MYO18A: variants seen among roughly 807,000 people sequenced by gnomAD.
The protein encoded by MYO18A is myosin XVIIIA.
A neutral mutation model predicts 235.8 loss-of-function variants in MYO18A; 78 were observed. That is an observed-to-expected ratio of 0.33 (90% CI 0.28 to 0.40). MYO18A has a LOEUF of 0.40. Ranked by LOEUF, MYO18A falls within the 10% of genes least tolerant of loss-of-function variation. The pLI, the probability that MYO18A is intolerant of heterozygous loss-of-function variation, is 1.00. For synonymous variants in MYO18A, 977 were observed against 1,077.8 expected (o/e 0.91, Z 1.83); for missense variants, 2,215 against 2,699.3 (o/e 0.82, Z 3.98).
chr17:29,125,958 C>A lies in MYO18A; in HGVS notation c.1000-3705G>T. The A allele has an allele frequency of 2.0e-6, 2 of 985,696 alleles. No homozygotes were observed. The highest frequency in any genetic ancestry group is 2.4e-6 in the Non-Finnish European group (2 of 829,762). 61.1% of individuals were successfully genotyped at this position (985,696 alleles called of 1,614,324 possible). ...TCCACGGGGGTCAGCTGGACCTTGG[C>A]AGCTCCTGCCTAAAGGTTAAACCAC... is the stretch of plus-strand genomic sequence containing the variant. On this transcript the variant is annotated intron_variant, in intron 2 of 41. Transcript: ENST00000527372. This position sits in a 1 kb window ranked among gnomAD's most constrained non-coding sequence, Gnocchi z 5.1.
chr17:29,128,391 C>G, intron 2 of MYO18A: 1 of 1,288,888 alleles, frequency 7.8e-7, no homozygotes, highest in Non-Finnish European at 1.0e-6. Context: ...TGGGCCTCTT[C>G]GCTTAGGCCT....
intron 2 of MYO18A, among the ~76,000 whole-genome samples, chr17:29,141,708 T>G (rs985849816): frequency 7.2e-5 from 11 of 152,254 alleles, no homozygotes; most frequent in African/African-American, 2.7e-4. Context: ...GCTTGTGTCC[T>G]GCTCTCTAGG....
chr17:29,114,064 G>A lies in MYO18A; in HGVS notation c.2545C>T (p.Pro849Ser). 1 of 1,602,370 alleles carries A rather than the reference G, an allele frequency of 6.2e-7. No individual in the cohort carries two copies. Among genetic ancestry groups the A allele is most frequent in the African/African-American group, 1.3e-5 (1 of 74,736 alleles). The part of the protein sequence containing the change: ...NIELAFDDLE[P>S]PTDDSVAAVD... ...GCAGCCACAGAGTCATCCGTCGGGG[G>A]TTCCAAGTCGTCAAACGCCAGCTCG... The change falls in exon 15 of 42, where the codon CCC becomes TCC. Residue 849 changes from proline (P) to serine (S), a missense_variant. Physicochemically the swap from Pro to Ser is moderately conservative, Grantham distance 74. Coordinates refer to ENST00000527372, the MANE Select transcript of MYO18A (RefSeq NM_078471.4).
rs1277198403 is a variant in MYO18A at position 29,118,728 on chromosome 17, A to C, written c.1830-288T>G. ...CCTGCCCGAAGGGTGAGTCCCGCCA[A>C]GGCAGAGACGATGCCCTCAGTTACA... is the stretch of plus-strand genomic sequence containing the variant. On this transcript the variant is annotated intron_variant, in intron 8 of 41. Coordinates refer to ENST00000527372, the MANE Select transcript of MYO18A (RefSeq NM_078471.4). The surrounding 1 kb of genome is among the most constrained non-coding windows in gnomAD (Gnocchi z 4.2). Among the ~76,000 whole-genome samples, 1 of 152,282 alleles carries C rather than the reference A, an allele frequency of 6.6e-6. No homozygotes were observed. The highest frequency in any genetic ancestry group is 2.4e-5 in the African/African-American group (1 of 41,478).
rs917750088 is a variant in MYO18A at position 29,110,087 on chromosome 17, G to A, written c.3102C>T (p.Asp1034=). The change falls in exon 19 of 42, where the codon GAC becomes GAT. Residue 1034 remains aspartate, a synonymous_variant. Transcript: ENST00000527372. The stretch of plus-strand genomic sequence containing the variant: ...AATGCAGCTTTGACTTCTTGATGGT[G>A]TCGATGAGGGCGTCCTGCCGAGGGG... ...QMKLQVDALI[D]TIKKSKLHFV... is the part of the protein sequence containing the mutation. 3 of 1,610,880 alleles carry A rather than the reference G, an allele frequency of 1.9e-6. No homozygotes were observed. The African/African-American group carries it at 4.0e-5, about 21-fold the overall frequency.
chr17:29,110,149 T>G lies in MYO18A; in HGVS notation c.3088-48A>C, dbSNP rs1224401516. The stretch of plus-strand genomic sequence containing the variant: ...CTCAGTGGGCTCTGATGGCCTGTGC[T>G]CAGAAGAGCAGGGACTGGTGCCAGC... On this transcript the variant is annotated intron_variant, in intron 18 of 41. Coordinates refer to ENST00000527372, the MANE Select transcript of MYO18A (RefSeq NM_078471.4). 1.9e-6 allele frequency: 3 copies of G among 1,588,068 alleles called. No individual in the cohort carries two copies. In the Admixed American group the frequency reaches 5.0e-5, roughly 27 times the overall value.
At chr17:29,104,530 A>AG (rs2066734184) in intron 20 of MYO18A, among the ~76,000 whole-genome samples, 1 of 152,154 alleles carries the variant, frequency 6.6e-6, no homozygotes, top group Non-Finnish European at 1.5e-5. Context: ...CATAAGGGGT[A>AG]GGGTAGAGAA....
Position 29,097,273 on chromosome 17 carries a change from C to G in MYO18A, c.4180G>C (p.Glu1394Gln). The change falls in exon 27 of 42, where the codon GAG becomes CAG. Residue 1394 changes from glutamate (E) to glutamine (Q), a missense_variant. Physicochemically the swap from Glu to Gln is conservative, Grantham distance 29 (BLOSUM62 2). Coordinates refer to ENST00000527372, the MANE Select transcript of MYO18A (RefSeq NM_078471.4). The stretch of plus-strand genomic sequence containing the variant: ...TGCTGCTCCACCTCCAGCTTGTCCT[C>G]AAACTCCTGCTGGAGCCGTTTCTTG... The part of the protein sequence containing the change: ...FTKKRLQQEF[E>Q]DKLEVEQQNK... 1 of 1,611,430 alleles carries G rather than the reference C, an allele frequency of 6.2e-7. No individual in the cohort carries two copies. Among genetic ancestry groups the G allele is most frequent in the Non-Finnish European group, 8.5e-7 (1 of 1,179,878 alleles).
Position 29,074,301 on chromosome 17 carries a change from A to G in MYO18A, c.*469T>C. ...GTTGGGTATTTAAATTAAAAAGTAGAAAGACAGCAGGCACCAAGAAGAGAG... is the reference window on the plus strand; with the variant it reads ...GTTGGGTATTTAAATTAAAAAGTAGGAAGACAGCAGGCACCAAGAAGAGAG... On this transcript the variant is annotated 3_prime_UTR_variant, in exon 42 of 42. Transcript: ENST00000527372. The surrounding 1 kb of genome is among the most constrained non-coding windows in gnomAD (Gnocchi z 4.4). The G allele has an allele frequency of 1.8e-6, 2 of 1,108,940 alleles. No homozygotes were observed. The highest frequency in any genetic ancestry group is 2.5e-6 in the Non-Finnish European group (2 of 786,228). 68.7% of individuals were successfully genotyped at this position (1,108,940 alleles called of 1,614,324 possible).
chr17:29,124,004 C>T (rs1479022384), intron 2 of MYO18A, among the ~76,000 whole-genome samples: 6 of 151,252 alleles, frequency 4.0e-5, no homozygotes, highest in Non-Finnish European at 5.9e-5. Flanking sequence ...GCCGAGATTG[C>T]GCCACTGCAG....
At chr17:29,133,819 C>A (rs558736920) in intron 2 of MYO18A, 4 of 1,289,306 alleles carry the variant, frequency 3.1e-6, no homozygotes, top group East Asian at 5.6e-5. Flanking sequence ...AGAAGGCGAA[C>A]CTTGATGAAA....
intron 14 of MYO18A, among the ~76,000 whole-genome samples, chr17:29,114,515 G>A (rs1427127605): frequency 6.6e-6 from 1 of 152,116 alleles, no homozygotes; most frequent in African/African-American, 2.4e-5. Flanking sequence ...GTCCCATCCG[G>A]GACACCCTTT....
intron 41 of MYO18A, chr17:29,081,121 G>T: frequency 1.8e-5 from 10 of 555,442 alleles, no homozygotes; most frequent in Non-Finnish European, 2.3e-5. Context: ...AAGACACAGG[G>T]GGAGGGAGGC....
At chr17:29,092,169 T>C (rs924314140) in intron 34 of MYO18A, among the ~76,000 whole-genome samples, 174 bp downstream of exon 34, 1 of 152,074 alleles carries the variant, frequency 6.6e-6, no homozygotes, top group Non-Finnish European at 1.5e-5. Context: ...CTCTGCTCAG[T>C]GTGGAGAGAC....
Position 29,098,155 on chromosome 17 carries a change from C to T in MYO18A, c.3940G>A (p.Ala1314Thr), listed in dbSNP as rs374966524. Residue 1314 changes from alanine (A) to threonine (T), a missense_variant, in exon 25 of 42, where the codon GCG (alanine) becomes ACG (threonine). Ala to Thr is a moderately conservative substitution (Grantham distance 58). Coordinates refer to ENST00000527372, the MANE Select transcript of MYO18A (RefSeq NM_078471.4). ...GCCCGGAGCCTCTCTGCTGTCTCCG[C>T]GTCCAGCAGCTGGGAGGCGGACTCT... ...TGESASQLLDAETAERLRAEK... is the reference protein window; with the variant it reads ...TGESASQLLDTETAERLRAEK... 2.2e-5 allele frequency: 36 copies of T among 1,613,810 alleles called. No individual in the cohort carries two copies. The Middle Eastern group carries it at 4.9e-4, about 22-fold the overall frequency.
intron 40 of MYO18A, among the ~76,000 whole-genome samples, chr17:29,083,806 T>C (rs1460274217): frequency 6.6e-6 from 1 of 152,162 alleles, no homozygotes; most frequent in Non-Finnish European, 1.5e-5. Flanking sequence ...ACCTGATTTA[T>C]ACACCTGTGC....
In MYO18A at chr17:29,166,351, A is replaced by G; in HGVS notation, c.590T>C (p.Val197Ala). The change falls in exon 2 of 42, where the codon GTG (valine) becomes GCG (alanine). Residue 197 changes from valine (V) to alanine (A), a missense_variant. By Grantham distance (64) the Val-to-Ala change is moderately conservative. Transcript: ENST00000527372. ...PGHRSRAPEL[V>A]TKKFPVDLRL... ...CAGGTCGACTGGGAACTTTTTAGTC[A>G]CTAGCTCAGGGGCTCGGGATCGGTG... The G allele has an allele frequency of 6.2e-7, 1 of 1,613,078 alleles. No individual in the cohort carries two copies.
At chr17:29,157,345 C>G (rs2068084271) in intron 2 of MYO18A, among the ~76,000 whole-genome samples, 1 of 152,180 alleles carries the variant, frequency 6.6e-6, no homozygotes, top group Admixed American at 6.5e-5. Context: ...AGCACACCAC[C>G]ACAGCTCAAG....
intron 1 of MYO18A, among the ~76,000 whole-genome samples, chr17:29,168,148 CCAAA>C (rs1213036510): frequency 1.3e-5 from 2 of 150,766 alleles, no homozygotes; most frequent in Non-Finnish European, 2.9e-5. Flanking sequence ...AAGTTCCAGA[CCAAA>C]CAGAGGATAG....
Sources: gnomAD v4.1 joint callset for allele counts (sites outside exome capture counted in the v4.1 genomes callset) on GRCh38, gnomAD v4.1.1 for gene constraint, Gnocchi (gnomAD v3.1) non-coding constraint, MANE v1.5 for transcripts, NCBI Gene and HGNC (gene_info 2026-07-23, HGNC 2026-07-21) for gene names.